The following LHX8 variants were observed in gnomAD, a reference collection of about 807,000 sequenced individuals.
LHX8 encodes the protein LIM/homeobox protein Lhx8.
Under a neutral mutation model 40.3 loss-of-function variants are expected in LHX8, and 12 were observed. The observed-to-expected ratio is 0.30, with a 90% confidence interval of 0.19 to 0.48. The LOEUF is 0.48. Among genes scored for constraint, LHX8 ranks in the 20% least tolerant of loss-of-function variants. The pLI is 0.99. For missense variants in LHX8, 344 were observed against 433.7 expected (o/e 0.79, Z 1.84); for synonymous variants, 179 against 162.0 (o/e 1.10, Z -0.80).
At chr1:75,194,464 A>G in the LHX8 span, among the ~76,000 whole-genome samples, 1 of 152,206 alleles carries the variant, frequency 6.6e-6, no homozygotes, top group African/African-American at 2.4e-5. Context: ...TAACACACTT[A>G]TTAGGCAAAC....
At chr1:75,178,153 C>A in the LHX8 span, among the ~76,000 whole-genome samples, 134 of 152,280 alleles carry the variant, frequency 8.8e-4, 1 homozygote, top group African/African-American at 3.1e-3. Flanking sequence ...TATTGTGTCT[C>A]TGCCAGGCCT....
At chr1:75,144,509 G>A (rs115547201) in intron 6 of LHX8, among the ~76,000 whole-genome samples, 2,163 of 152,216 alleles carry the variant, frequency 0.014, 51 homozygotes, top group African/African-American at 0.05. Flanking sequence ...GGTAAAGGGA[G>A]TACTTCTATA....
chr1:75,136,766 C>T (rs1007221909), intron 2 of LHX8, 77 bp downstream of exon 2: 1 of 1,210,790 alleles, frequency 8.3e-7, no homozygotes, highest in Non-Finnish European at 1.2e-6. Context: ...GCTGTCCCCG[C>T]GCTCCTTCCA....
chr1:75,184,931 G>A, the LHX8 span, among the ~76,000 whole-genome samples: 1 of 151,138 alleles, frequency 6.6e-6, no homozygotes, highest in African/African-American at 2.4e-5. Context: ...TGTTACCACT[G>A]ACCCCACAGA....
intron 6 of LHX8, among the ~76,000 whole-genome samples, chr1:75,146,424 A>G (rs1648460798): frequency 6.6e-6 from 1 of 152,200 alleles, no homozygotes; most frequent in Admixed American, 6.5e-5. Flanking sequence ...TCCTGCTAAT[A>G]TTATGGATTG....
At chr1:75,156,751 C>T (rs1049136923) in intron 7 of LHX8, 142 bp from the exon 8 acceptor site, 3 of 814,016 alleles carry the variant, frequency 3.7e-6, no homozygotes, top group Admixed American at 3.7e-5. Context: ...GTCTATAGAA[C>T]TTTTATAAAA....
intron 7 of LHX8, among the ~76,000 whole-genome samples, chr1:75,152,707 C>G (rs772634309): frequency 6.6e-6 from 1 of 152,284 alleles, no homozygotes; most frequent in Admixed American, 6.5e-5. Context: ...CATGAAATCT[C>G]TTTGCCTTTG....
intron 8 of LHX8, among the ~76,000 whole-genome samples, chr1:75,158,493 A>G (rs549212544): frequency 6.6e-6 from 1 of 152,300 alleles, no homozygotes; most frequent in East Asian, 1.9e-4. Flanking sequence ...TATATCTTCT[A>G]TGATATCATC....
At chr1:75,163,062 A>G (rs1242322553), downstream of LHX8, among the ~76,000 whole-genome samples, 1 of 151,012 alleles carries the variant, frequency 6.6e-6, no homozygotes, top group Non-Finnish European at 1.5e-5. Context: ...CCATTCAAAC[A>G]TTGAAATGGA....
chr1:75,132,901 G>C (rs1477743277), upstream of LHX8: 1 of 152,082 alleles, frequency 6.6e-6, no homozygotes, highest in African/African-American at 2.4e-5. Flanking sequence ...CTTTCCATTC[G>C]GAAGAGCGGT....
chr1:75,196,552 T>G, the LHX8 span, among the ~76,000 whole-genome samples: 11 of 152,228 alleles, frequency 7.2e-5, no homozygotes, highest in Admixed American at 3.3e-4. Flanking sequence ...AGTTCTTTCC[T>G]CCCAAAACAC....
At chr1:75,156,432 G>A (rs908999944) in intron 7 of LHX8, among the ~76,000 whole-genome samples, 9 of 151,972 alleles carry the variant, frequency 5.9e-5, no homozygotes. Context: ...AGTAGAGACG[G>A]GGTTTTACCA....
rs565019109 is a variant in LHX8, at chr1:75,148,497, T to G, written c.685-90T>G. ...GTAACAAAAGTATCCCATGTTCTTGTGCATGTCTTACCTCTTATGATAAAA... is the reference window on the plus strand; with the variant it reads ...GTAACAAAAGTATCCCATGTTCTTGGGCATGTCTTACCTCTTATGATAAAA... On this transcript the variant is annotated intron_variant, in intron 6 of 8. Transcript: ENST00000356261. 45 of 865,180 alleles carry G rather than the reference T, an allele frequency of 5.2e-5. No individual in the cohort carries two copies. The East Asian group carries it at 1.1e-3, about 22-fold the overall frequency. 53.6% of individuals were successfully genotyped at this position (865,180 alleles called of 1,614,324 possible). A position where few individuals can be genotyped will look rare whatever the true frequency, so the allele number is the denominator to read the frequency against.
At chr1:75,171,647 A>G in the LHX8 span, among the ~76,000 whole-genome samples, 2 of 148,820 alleles carry the variant, frequency 1.3e-5, no homozygotes, top group African/African-American at 4.9e-5. Context: ...CCAAGCTGCA[A>G]CCATAACAAA....
the LHX8 span, among the ~76,000 whole-genome samples, chr1:75,175,391 C>T: frequency 3.3e-5 from 5 of 152,160 alleles, no homozygotes; most frequent in Non-Finnish European, 2.9e-5. Flanking sequence ...ATACTGTTTT[C>T]CATAGTGGTT....
intron 2 of LHX8, among the ~76,000 whole-genome samples, 160 bp from the exon 3 acceptor site, chr1:75,136,940 A>G (rs1489617619): frequency 1.4e-5 from 2 of 139,558 alleles, no homozygotes; most frequent in African/African-American, 5.3e-5. Flanking sequence ...CAGAGCTTGG[A>G]CTCGGGGAAG....
chr1:75,129,740 C>T (rs75955248), upstream of LHX8, among the ~76,000 whole-genome samples: 1 of 152,290 alleles, frequency 6.6e-6, no homozygotes, highest in Non-Finnish European at 1.5e-5. Context: ...GGCTTTCAGA[C>T]ATCCCTGGGG....
chr1:75,196,122 A>C, the LHX8 span, among the ~76,000 whole-genome samples: 1,417 of 152,262 alleles, frequency 9.3e-3, 8 homozygotes, highest in Non-Finnish European at 0.015. Flanking sequence ...GAAGGATTTT[A>C]ATAACGATCG....
chr1:75,169,908 C>T, the LHX8 span, among the ~76,000 whole-genome samples: 90 of 152,246 alleles, frequency 5.9e-4, 1 homozygote. Context: ...GCCAGTGAAA[C>T]TGGCTCACTT....
Sources: gnomAD v4.1 joint callset for allele counts (sites outside exome capture counted in the v4.1 genomes callset) on GRCh38, gnomAD v4.1.1 for gene constraint, MANE v1.5 for transcripts, NCBI Gene and HGNC (gene_info 2026-07-23, HGNC 2026-07-21) for gene names.